TNRC6C: variants seen among roughly 807,000 people sequenced by gnomAD.
TNRC6C encodes the protein trinucleotide repeat containing adaptor 6C.
In TNRC6C, 20 loss-of-function variants were observed where a neutral mutation model predicts 153.7. The observed-to-expected ratio is 0.13, with a 90% CI of 0.09 to 0.19. The LOEUF is 0.19. Among genes scored for constraint, TNRC6C ranks in the 10% least tolerant of loss-of-function variants. The probability of loss-of-function intolerance (pLI) is 1.00; values close to 1 mark genes in which losing one functional copy is unlikely to be tolerated. For missense variants in TNRC6C, 1,987 were observed against 2,172.0 expected, an observed-to-expected ratio of 0.91 and a Z score of 1.69; for synonymous variants, 811 against 841.4, an observed-to-expected ratio of 0.96 and a Z score of 0.63.
At chr17:77,958,668 C>G (rs368478893), upstream of TNRC6C, among the ~76,000 whole-genome samples, 3 of 151,488 alleles carry the variant, frequency 2.0e-5, no homozygotes, top group Non-Finnish European at 4.4e-5. Context: ...GCGAGCGCCC[C>G]GTCTGGCTGA....
chr17:78,077,634 G>T, intron 9 of TNRC6C: 1 of 410,668 alleles, frequency 2.4e-6, no homozygotes, highest in Non-Finnish European at 4.4e-6. Flanking sequence ...AGTGGTCTTC[G>T]GCTGCCGGAT....
chr17:78,033,313 A>G (rs1360202718), intron 2 of TNRC6C, among the ~76,000 whole-genome samples: 1 of 152,256 alleles, frequency 6.6e-6, no homozygotes, highest in Non-Finnish European at 1.5e-5. Flanking sequence ...CCCTCATTAA[A>G]TATTTATCTC....
Position 78,075,039 on chromosome 17 carries a change from GGTCTCCATC to G in TNRC6C, c.2918-96_2918-88del. ...CTTCCCTGTGTTTGAAGGGGTGGAG[GGTCTCCATC>G]CCTCCTTGAGGCCTTAGCTGGTGCC... On this transcript the variant is annotated intron_variant, in intron 7 of 19. Coordinates refer to ENST00000301624, the Ensembl canonical transcript of TNRC6C. The surrounding 1 kb of genome is among the most constrained non-coding windows in gnomAD (Gnocchi z 4.2). The G allele has an allele frequency of 6.9e-7, 1 of 1,441,116 alleles. No homozygotes were observed. Among genetic ancestry groups the G allele is most frequent in the Non-Finnish European group, 9.4e-7 (1 of 1,060,326 alleles). The allele number at this position is 1,441,116 out of a possible 1,614,324, so 89.3% of individuals were successfully genotyped here. A position where few individuals can be genotyped will look rare whatever the true frequency, so the allele number is the denominator to read the frequency against.
chr17:77,977,934 C>T (rs969936376), intron 1 of TNRC6C, among the ~76,000 whole-genome samples: 6 of 127,754 alleles, frequency 4.7e-5, no homozygotes, highest in African/African-American at 1.2e-4. Flanking sequence ...CTCGCTCTGT[C>T]GTGCAGGCTG....
At position 77,991,821 on chromosome 17, in the gene TNRC6C, T is replaced by C. The variant is rs190083812; in HGVS notation, c.-37-12349T>C. 3.3e-5 allele frequency among the ~76,000 whole-genome samples: 5 copies of C among 152,346 alleles called. No homozygotes were observed. The East Asian group carries it at 9.6e-4, about 29-fold the overall frequency. On this transcript the variant is annotated intron_variant, in intron 1 of 22. Transcript: ENST00000636222. Reference sequence around the variant, plus strand: ...TACGGCTGTCACTTTTGGACCGCAGTGAAGAATATATGCTCTTTAGGGATA... The same window carrying C: ...TACGGCTGTCACTTTTGGACCGCAGCGAAGAATATATGCTCTTTAGGGATA...
At chr17:78,099,648 T>C (rs2073553617) in intron 17 of TNRC6C, among the ~76,000 whole-genome samples, 1 of 152,176 alleles carries the variant, frequency 6.6e-6, no homozygotes, top group Non-Finnish European at 1.5e-5. Flanking sequence ...TTGTGGGAGT[T>C]ACAATTCAAG....
At chr17:78,103,072 C>A (rs1046271252) in intron 18 of TNRC6C, among the ~76,000 whole-genome samples, 29 of 152,222 alleles carry the variant, frequency 1.9e-4, no homozygotes, top group African/African-American at 6.5e-4. Flanking sequence ...CTGCACGTCT[C>A]CCAAGTCTGT....
intron 2 of TNRC6C, among the ~76,000 whole-genome samples, chr17:78,034,169 T>C (rs2072133005): frequency 6.6e-6 from 1 of 152,196 alleles, no homozygotes; most frequent in South Asian, 2.1e-4. Context: ...TTCTCCTGCC[T>C]GCCTCAGCCT....
chr17:78,015,993 C>G (rs922541929), intron 1 of TNRC6C, among the ~76,000 whole-genome samples: 4 of 152,176 alleles, frequency 2.6e-5, no homozygotes, highest in Non-Finnish European at 5.9e-5. Context: ...AGAAACTACT[C>G]TAGCTGTTAT....
At chr17:77,992,188 C>G (rs2071261309) in intron 1 of TNRC6C, among the ~76,000 whole-genome samples, 1 of 152,184 alleles carries the variant, frequency 6.6e-6, no homozygotes, top group Non-Finnish European at 1.5e-5. Context: ...GTTTGATTTT[C>G]TAAGTTTTAT....
At chr17:78,070,301 A>G (rs2072967156) in intron 5 of TNRC6C, among the ~76,000 whole-genome samples, 1 of 152,226 alleles carries the variant, frequency 6.6e-6, no homozygotes, top group Non-Finnish European at 1.5e-5. Flanking sequence ...TTCCTTGAGG[A>G]AAGAAAGCCT....
At chr17:78,093,364 G>C in intron 15 of TNRC6C, 1 of 661,374 alleles carries the variant, frequency 1.5e-6, no homozygotes, top group Admixed American at 2.9e-5. Context: ...TGGCAGGGAG[G>C]AAGCACACTG....
intron 1 of TNRC6C, among the ~76,000 whole-genome samples, chr17:78,019,452 T>C (rs528155071): frequency 8.5e-5 from 13 of 152,338 alleles, no homozygotes; most frequent in Admixed American, 3.3e-4. Flanking sequence ...GGCCCTGTTA[T>C]GACAACACTA....
At chr17:78,052,138 G>A (rs565265894) in intron 3 of TNRC6C, among the ~76,000 whole-genome samples, 18 of 152,344 alleles carry the variant, frequency 1.2e-4, no homozygotes, top group Non-Finnish European at 2.2e-4. Flanking sequence ...CTGCACAGGT[G>A]GGCCAGGCTG....
chr17:77,978,218 A>G (rs141721869), intron 1 of TNRC6C, among the ~76,000 whole-genome samples: 86 of 152,306 alleles, frequency 5.6e-4, no homozygotes, highest in African/African-American at 2.0e-3. Flanking sequence ...TCTAAAGAGA[A>G]TTTGAGACAA....
intron 11 of TNRC6C, among the ~76,000 whole-genome samples, chr17:78,086,198 C>T (rs1598775839): frequency 6.6e-6 from 1 of 151,798 alleles, no homozygotes; most frequent in South Asian, 2.1e-4. Context: ...GGCGTGGTGG[C>T]ACACGACTGC....
intron 1 of TNRC6C, among the ~76,000 whole-genome samples, chr17:77,963,857 T>C (rs770527902): frequency 3.3e-5 from 5 of 152,248 alleles, no homozygotes; most frequent in Non-Finnish European, 7.3e-5. Context: ...TATAGCTTCT[T>C]AAGTATATTC....
In TNRC6C at chr17:77,984,184, A is replaced by G. The variant is rs564922831; in HGVS notation, c.-37-19986A>G. 3.9e-5 allele frequency among the ~76,000 whole-genome samples: 6 copies of G among 152,204 alleles called. No homozygotes were observed. The South Asian group carries it at 1.0e-3, about 26-fold the overall frequency. ...GCTGGCTTCACTTTAGGCTTTGCCAATGGAAGCACTGGAGACACAATGTAA... is the reference window on the plus strand; with the variant it reads ...GCTGGCTTCACTTTAGGCTTTGCCAGTGGAAGCACTGGAGACACAATGTAA... On this transcript the variant is annotated intron_variant, in intron 1 of 22. Coordinates refer to the TNRC6C transcript ENST00000636222.
rs565584233 is a variant in TNRC6C at position 78,099,037 on chromosome 17, G to C, written c.4501+500G>C. ...AAAAAACAACTCTCATAATATTGCA[G>C]CTTCTCTCAGGTGCTGCATGTCGAA... On this transcript the variant is annotated intron_variant, in intron 17 of 19. Coordinates refer to ENST00000301624, the Ensembl canonical transcript of TNRC6C. 6.6e-5 allele frequency among the ~76,000 whole-genome samples: 10 copies of C among 152,362 alleles called. 2 individuals carry two copies. Among genetic ancestry groups the C allele is most frequent in the African/African-American group, 2.4e-4 (10 of 41,586 alleles).
Sources: gnomAD v4.1 joint callset for allele counts (sites outside exome capture counted in the v4.1 genomes callset) on GRCh38, gnomAD v4.1.1 for gene constraint, Gnocchi (gnomAD v3.1) non-coding constraint, MANE v1.5 for transcripts, NCBI Gene and HGNC (gene_info 2026-07-23, HGNC 2026-07-21) for gene names.